DMXL2: variants seen among roughly 807,000 people sequenced by gnomAD.
DMXL2 encodes the protein dmX-like protein 2.
In DMXL2, 103 loss-of-function variants were observed where a neutral mutation model predicts 331.1. That is an observed-to-expected ratio of 0.31 (90% CI 0.27 to 0.37). The LOEUF is 0.37. DMXL2 is among the 10% of genes least tolerant of loss of function. The pLI is 1.00. For synonymous variants in DMXL2, 1,281 were observed against 1,252.1 expected (o/e 1.02, Z -0.49); for missense variants, 3,171 against 3,642.9 (o/e 0.87, Z 3.33).
intron 18 of DMXL2, among the ~76,000 whole-genome samples, chr15:51,497,485 C>T (rs2043265735): frequency 6.6e-6 from 1 of 152,166 alleles, no homozygotes; most frequent in Non-Finnish European, 1.5e-5. Context: ...TAATAGCTAT[C>T]TGCTAGAAGA....
chr15:51,612,726 C>T (rs1475451167), intron 1 of DMXL2, among the ~76,000 whole-genome samples: 1 of 152,164 alleles, frequency 6.6e-6, no homozygotes, highest in South Asian at 2.1e-4. Context: ...TTCGGGCATG[C>T]ATTGTCATTG....
chr15:51,488,194 T>TA, intron 21 of DMXL2, 75 bp from the exon 22 acceptor site: 1 of 1,308,492 alleles, frequency 7.6e-7, no homozygotes, highest in Non-Finnish European at 1.0e-6. Flanking sequence ...TAATATAAAA[T>TA]AAAAACCTCA....
chr15:51,607,178 C>T (rs1313519947), intron 1 of DMXL2, among the ~76,000 whole-genome samples: 13 of 151,638 alleles, frequency 8.6e-5, no homozygotes, highest in South Asian at 4.2e-4. Context: ...AAAAAAAGGC[C>T]GGGCGCGGTG....
At chr15:51,460,406 CA>C in intron 33 of DMXL2, 3 of 982,862 alleles carry the variant, frequency 3.1e-6, no homozygotes, top group Non-Finnish European at 3.6e-6. Context: ...AGAAAACTTC[CA>C]AGGAATGGTC....
At position 51,491,624 on chromosome 15, in the gene DMXL2, C is replaced by G. The variant is rs763381248; in HGVS notation, c.4907G>C (p.Gly1636Ala). 3.7e-6 allele frequency: 6 copies of G among 1,612,948 alleles called. No homozygotes were observed. Among genetic ancestry groups the G allele is most frequent in the Non-Finnish European group, 5.1e-6 (6 of 1,179,688 alleles). ...CGTGTTAATGTTCCTCACCCACCAT[C>G]CTATGCCCATAGCTCTTAATTCAGA... ...QWSELRAMGI[G>A]WWVRNINTLR... is the part of the protein sequence containing the mutation. The change falls in exon 20 of 44, where the codon GGA becomes GCA. Residue 1636 changes from glycine to alanine, a missense_variant. Gly to Ala is a moderately conservative substitution (Grantham distance 60). Around this residue, in one of 7 missense-constraint regions of DMXL2, gnomAD observed 252 missense variants for 387.4 expected, o/e 0.65. Coordinates refer to ENST00000560891, the MANE Select transcript of DMXL2 (RefSeq NM_001378457.1).
chr15:51,507,108 C>A, intron 16 of DMXL2, 26 bp downstream of exon 16: 1 of 1,522,798 alleles, frequency 6.6e-7, no homozygotes, highest in African/African-American at 1.4e-5. Context: ...TATGTATCAT[C>A]TCTGTATAAA....
intron 16 of DMXL2, among the ~76,000 whole-genome samples, chr15:51,503,550 A>T (rs990492455): frequency 3.1e-4 from 47 of 152,196 alleles, no homozygotes; most frequent in African/African-American, 1.1e-3. Context: ...AGATAATAGC[A>T]TAATAGATAC....
chr15:51,595,913 A>G (rs1255145666), intron 1 of DMXL2, among the ~76,000 whole-genome samples: 2 of 152,226 alleles, frequency 1.3e-5, no homozygotes, highest in Non-Finnish European at 2.9e-5. Context: ...TTATACAAAA[A>G]TTAATTCAAG....
intron 9 of DMXL2, among the ~76,000 whole-genome samples, chr15:51,538,723 A>G (rs996739580): frequency 1.3e-5 from 2 of 152,212 alleles, no homozygotes; most frequent in African/African-American, 2.4e-5. Context: ...GGGATGAAAA[A>G]TTAAAGCAGA....
chr15:51,545,521 T>C, intron 8 of DMXL2, 62 bp downstream of exon 8: 8 of 1,484,510 alleles, frequency 5.4e-6, no homozygotes, highest in Non-Finnish European at 7.4e-6. Context: ...TGTTAGTTCA[T>C]GAATTTCCAC....
intron 9 of DMXL2, among the ~76,000 whole-genome samples, chr15:51,539,286 T>C (rs2048459386): frequency 6.6e-6 from 1 of 151,708 alleles, no homozygotes; most frequent in Non-Finnish European, 1.5e-5. Context: ...ATTTGCCACA[T>C]ATAAAGCAAC....
chr15:51,617,498 C>G (rs1465915575), intron 1 of DMXL2, among the ~76,000 whole-genome samples: 3 of 152,140 alleles, frequency 2.0e-5, no homozygotes, highest in South Asian at 2.1e-4. Flanking sequence ...TCAGACTCCC[C>G]GACTGTGAGG....
At chr15:51,523,493 T>C (rs886082281) in intron 13 of DMXL2, among the ~76,000 whole-genome samples, 2 of 152,212 alleles carry the variant, frequency 1.3e-5, no homozygotes, top group African/African-American at 4.8e-5. Context: ...CCAAAATTCA[T>C]GTCCACCCAG....
At chr15:51,528,289 G>A (rs929326630) in intron 13 of DMXL2, among the ~76,000 whole-genome samples, 8 of 152,054 alleles carry the variant, frequency 5.3e-5, no homozygotes, top group African/African-American at 1.7e-4. Flanking sequence ...TATAGTGGCT[G>A]AATGGGTAAA....
intron 13 of DMXL2, among the ~76,000 whole-genome samples, chr15:51,519,633 C>CGTTTT (rs1567060228): frequency 2.5e-5 from 3 of 118,326 alleles, no homozygotes; most frequent in African/African-American, 9.8e-5. Context: ...GACAAAGTCT[C>CGTTTT]TTGTTTTTTT....
At chr15:51,579,538 T>C (rs2051269849) in intron 1 of DMXL2, among the ~76,000 whole-genome samples, 2 of 152,172 alleles carry the variant, frequency 1.3e-5, no homozygotes, top group South Asian at 2.1e-4. Flanking sequence ...TTGTTTACCA[T>C]TGTGGTCCCA....
intron 6 of DMXL2, among the ~76,000 whole-genome samples, chr15:51,554,519 A>AG (rs2049426014): frequency 6.6e-6 from 1 of 152,212 alleles, no homozygotes; most frequent in Non-Finnish European, 1.5e-5. Flanking sequence ...TGTACCCTTC[A>AG]TGAGATACCC....
At chr15:51,494,623 G>A (rs2043042307) in intron 19 of DMXL2, among the ~76,000 whole-genome samples, 1 of 152,096 alleles carries the variant, frequency 6.6e-6, no homozygotes, top group Admixed American at 6.6e-5. Context: ...TTTACTTGCT[G>A]GCAAATAACT....
chr15:51,530,182 G>A (rs1440171824), intron 13 of DMXL2, among the ~76,000 whole-genome samples: 1 of 152,040 alleles, frequency 6.6e-6, no homozygotes, highest in African/African-American at 2.4e-5. Context: ...CAATAAGGAT[G>A]CTCACTTTCA....
Sources: allele counts gnomAD v4.1 joint callset (sites outside exome capture counted in the v4.1 genomes callset), GRCh38; gene constraint gnomAD v4.1.1; regional missense constraint gnomAD v4.1.1; transcripts MANE v1.5; gene names NCBI Gene and HGNC (gene_info 2026-07-23, HGNC 2026-07-21).